Variants in INO80D observed in about 807,000 individuals in gnomAD.
The protein encoded by INO80D is INO80 complex subunit D.
Under a neutral mutation model 87.6 loss-of-function variants are expected in INO80D, and 21 were observed. That is an observed-to-expected ratio of 0.24 (90% CI 0.17 to 0.35). The LOEUF is 0.35. INO80D is among the 10% of genes least tolerant of loss of function. INO80D has a pLI of 1.00. For missense variants in INO80D, 982 were observed against 1,280.7 expected (o/e 0.77, Z 3.56); for synonymous variants, 440 against 491.0 (o/e 0.90, Z 1.37).
At chr2:206,083,680 C>T (rs990448484) in intron 1 of INO80D, among the ~76,000 whole-genome samples, 3 of 152,012 alleles carry the variant, frequency 2.0e-5, no homozygotes, top group South Asian at 2.1e-4. Context: ...ATTTCGAAGC[C>T]TCACGGAAGT....
At chr2:206,016,849 A>G (rs1201842882) in intron 8 of INO80D, among the ~76,000 whole-genome samples, 1 of 152,138 alleles carries the variant, frequency 6.6e-6, no homozygotes, top group Non-Finnish European at 1.5e-5. Flanking sequence ...CATCCATGTA[A>G]GATATGACTT....
In INO80D at chr2:206,012,331, C is replaced by T. The variant is rs566275945; in HGVS notation, c.1543-2537G>A. ...TAGGTGGTGGTTATACAACTGTATG[C>T]GTCTACAAAACTCCTGAGAGTGTAC... On this transcript the variant is annotated intron_variant, in intron 8 of 10. Transcript: ENST00000403263. 1.4e-4 allele frequency among the ~76,000 whole-genome samples: 22 copies of T among 152,160 alleles called. No homozygotes were observed. The East Asian group carries it at 1.7e-3, about 12-fold the overall frequency.
rs1363973853 is a variant in INO80D at position 206,000,621 on chromosome 2, C to T, written c.*3747G>A. On this transcript the variant is annotated 3_prime_UTR_variant, in exon 11 of 11. Transcript: ENST00000403263. The stretch of plus-strand genomic sequence containing the variant: ...AAAGAGTTGTCTTTGCCACTGTGGA[C>T]TGTGATCACAGATTGAGAACAAGCT... 1 of 152,064 alleles carries T rather than the reference C, an allele frequency of 6.6e-6. No individual in the cohort carries two copies. The highest frequency in any genetic ancestry group is 1.9e-4 in the East Asian group (1 of 5,198). 9.4% of individuals were successfully genotyped at this position (152,064 alleles called of 1,614,324 possible).
chr2:205,995,260 G>T lies in INO80D; in HGVS notation c.*9108C>A, dbSNP rs1687789112. The T allele has an allele frequency of 1.3e-5, 2 of 152,132 alleles. No homozygotes were observed. Among genetic ancestry groups the T allele is most frequent in the African/African-American group, 4.8e-5 (2 of 41,428 alleles). The allele number at this position is 152,132 out of a possible 1,614,324, so 9.4% of individuals were successfully genotyped here. On this transcript the variant is annotated 3_prime_UTR_variant, in exon 11 of 11. Transcript: ENST00000403263. ...ACAAAGCTCCTCAAGTGAATCTCCA[G>T]CTCTTTCTTACTCTCATGGGACAGA...
intron 1 of INO80D, 127 bp from the exon 2 acceptor site, chr2:206,063,371 A>C: frequency 2.6e-6 from 1 of 390,498 alleles, no homozygotes; most frequent in Non-Finnish European, 4.5e-6. Context: ...CAACATCCCA[A>C]TAACGAGGTT....
chr2:206,017,091 G>T (rs939897137), intron 8 of INO80D, among the ~76,000 whole-genome samples: 1 of 152,126 alleles, frequency 6.6e-6, no homozygotes, highest in Non-Finnish European at 1.5e-5. Flanking sequence ...AGGATCACAG[G>T]TTCCAACTAT....
chr2:206,078,341 G>A lies in INO80D; in HGVS notation c.-124+7560C>T, dbSNP rs138890457. Among the ~76,000 whole-genome samples, 46 of 152,064 alleles carry A rather than the reference G, an allele frequency of 3.0e-4. 3 individuals carry two copies. The East Asian group carries it at 8.4e-3, about 28-fold the overall frequency. On this transcript the variant is annotated intron_variant, in intron 1 of 10. Transcript: ENST00000403263. ...CTGAGGCAGAAGAATCGCTTGAACC[G>A]GGGTGGTGGAGATTGCAGTGAGCTG... is the stretch of plus-strand genomic sequence containing the variant.
intron 5 of INO80D, among the ~76,000 whole-genome samples, chr2:206,039,432 C>T (rs1575833257): frequency 2.0e-5 from 3 of 151,826 alleles, no homozygotes; most frequent in South Asian, 4.2e-4. Flanking sequence ...AACATATAAA[C>T]GATGTTCCTG....
rs1559430924 is a variant in INO80D at position 206,009,723 on chromosome 2, GGTT to G, written c.1611_1613del (p.Lys537_Thr538delinsAsn). The G allele has an allele frequency of 3.7e-6, 6 of 1,613,850 alleles. No homozygotes were observed. Among genetic ancestry groups the G allele is most frequent in the Admixed American group, 1.7e-5 (1 of 59,998 alleles). On this transcript the variant is annotated inframe_deletion, in exon 9 of 11. Transcript: ENST00000403263. ...GTTTTTTGGTTAGTGCAGGAGGCTTGGTTTTTTTCCTGGGTTTCCTCTGCTGCT... is the reference window on the plus strand; with the variant it reads ...GTTTTTTGGTTAGTGCAGGAGGCTTGTTTTTCCTGGGTTTCCTCTGCTGCT...
chr2:206,004,612 C>G lies in INO80D; in HGVS notation c.2840G>C (p.Gly947Ala), dbSNP rs761162979. Residue 947 changes from glycine to alanine, a missense_variant, in exon 11 of 11, where the codon GGG becomes GCG. Transcript: ENST00000403263. This position sits in a 1 kb window ranked among gnomAD's most constrained non-coding sequence, Gnocchi z 4.9. ...GCCACTGAAGCTGGTCTGTGGTAAC[C>G]CCGGAAGCACACTGGAGCTGCTGGG... Reference protein sequence around the residue: ...VTPSSSSVLPGLPQTSFSGMG... With the variant: ...VTPSSSSVLPALPQTSFSGMG... 2 of 1,612,530 alleles carry G rather than the reference C, an allele frequency of 1.2e-6. No homozygotes were observed. Among genetic ancestry groups the G allele is most frequent in the South Asian group, 2.2e-5 (2 of 90,834 alleles).
chr2:206,057,070 C>CT, intron 3 of INO80D, 127 bp from the exon 4 acceptor site: 1 of 875,984 alleles, frequency 1.1e-6, no homozygotes, highest in Non-Finnish European at 1.7e-6. Flanking sequence ...CAGCCAGCAA[C>CT]TTAACATGCA....
chr2:206,017,305 T>C (rs2105814381), intron 8 of INO80D, among the ~76,000 whole-genome samples: 1 of 152,352 alleles, frequency 6.6e-6, no homozygotes, highest in Non-Finnish European at 1.5e-5. Flanking sequence ...AATTCAAATC[T>C]GTCTCTCCTC....
chr2:206,004,096 A>C lies in INO80D; in HGVS notation c.*272T>G. ...TCCACTTCTAGGACTTGCTGCTAAA[A>C]ATCAATCCTATCCAGTCACTGTGCT... On this transcript the variant is annotated 3_prime_UTR_variant, in exon 11 of 11. Coordinates refer to ENST00000403263, the MANE Select transcript of INO80D (RefSeq NM_017759.5). This position sits in a 1 kb window ranked among gnomAD's most constrained non-coding sequence, Gnocchi z 4.9. 1 of 495,864 alleles carries C rather than the reference A, an allele frequency of 2.0e-6. No individual in the cohort carries two copies. The highest frequency in any genetic ancestry group is 3.6e-6 in the Non-Finnish European group (1 of 274,644). 30.7% of individuals were successfully genotyped at this position (495,864 alleles called of 1,614,324 possible).
rs752845021 is a variant in INO80D at position 206,056,791 on chromosome 2, T to C, written c.371A>G (p.Asn124Ser). 3.7e-6 allele frequency: 6 copies of C among 1,612,626 alleles called. No individual in the cohort carries two copies. In the South Asian group the frequency reaches 4.4e-5, roughly 12 times the overall value. ...AGAGAGGGACATTCCATCCAGTCCG[T>C]TGGGCATCTTCAAGGCCAACGTGGG... The part of the protein sequence containing the change: ...TVPTLALKMP[N>S]GLDGMSLSPP... The change falls in exon 4 of 11, where the codon AAC becomes AGC. Residue 124 changes from asparagine to serine, a missense_variant. Transcript: ENST00000403263.
At chr2:206,014,826 G>C (rs768799078) in intron 8 of INO80D, among the ~76,000 whole-genome samples, 3 of 152,168 alleles carry the variant, frequency 2.0e-5, no homozygotes, top group Non-Finnish European at 4.4e-5. Flanking sequence ...ACAGAAAAAT[G>C]TGGGAAAGTT....
At chr2:206,070,115 G>T (rs1037257399) in intron 1 of INO80D, among the ~76,000 whole-genome samples, 7 of 150,966 alleles carry the variant, frequency 4.6e-5, no homozygotes, top group African/African-American at 1.5e-4. Flanking sequence ...TCTCTACAAA[G>T]AATACAAAAA....
At chr2:206,025,528 C>CAAAAAA (rs71410856) in intron 6 of INO80D, 12 of 54,528 alleles carry the variant, frequency 2.2e-4, no homozygotes, top group Admixed American at 3.2e-4. Flanking sequence ...AACTCCATCT[C>CAAAAAA]AAAAAAAAAA....
rs1688412240 is a variant in INO80D, at chr2:206,019,819, A to G, written c.1325T>C (p.Val442Ala). The G allele has an allele frequency of 1.2e-6, 2 of 1,613,636 alleles. No homozygotes were observed. Among genetic ancestry groups the G allele is most frequent in the Non-Finnish European group, 1.7e-6 (2 of 1,179,840 alleles). The change falls in exon 7 of 11, where the codon GTG becomes GCG. Residue 442 changes from valine (V) to alanine (A), a missense_variant. Transcript: ENST00000403263. ...TSISRTKLRE[V>A]EPAACSGTVK... is the part of the protein sequence containing the mutation. ...GGTTCCACTGCATGCTGCTGGTTCC[A>G]CCTCCCTCAGCTTGGTCCGGCTTAT...
intron 1 of INO80D, among the ~76,000 whole-genome samples, chr2:206,079,928 A>T (rs930345457): frequency 7.2e-5 from 11 of 152,158 alleles, no homozygotes; most frequent in African/African-American, 2.4e-4. Flanking sequence ...CTTACAGGTC[A>T]CACCTTATGG....
Sources: gnomAD v4.1 joint callset for allele counts (sites outside exome capture counted in the v4.1 genomes callset) on GRCh38, gnomAD v4.1.1 for gene constraint, Gnocchi (gnomAD v3.1) non-coding constraint, MANE v1.5 for transcripts, NCBI Gene and HGNC (gene_info 2026-07-23, HGNC 2026-07-21) for gene names.